Variants in RIPK3 observed in about 807,000 individuals in gnomAD.
The protein encoded by RIPK3 is receptor interacting serine/threonine kinase 3.
RIPK3 carries 51 observed loss-of-function variants against 51.6 expected under a neutral mutation model. That is an observed-to-expected ratio of 0.99 (90% CI 0.79 to 1.25). RIPK3 has a LOEUF of 1.25. Among genes scored for constraint, RIPK3 ranks in the 50% most tolerant of loss-of-function variants. The pLI, the probability that RIPK3 is intolerant of heterozygous loss-of-function variation, is 0.00. For missense variants in RIPK3, 654 were observed against 650.4 expected (o/e 1.01, Z -0.06); for synonymous variants, 246 against 257.7 (o/e 0.95, Z 0.44).
In RIPK3 at chr14:24,339,814, T is replaced by G; in HGVS notation, c.13A>C (p.Lys5Gln). The part of the protein sequence containing the change: MSCV[K>Q]LWPSGAPAPL... ...ATGCCACTCCCTACTCACCATAACTTGACGCACGACATCAGGCTGGAAGGT... is the reference window on the plus strand; with the variant it reads ...ATGCCACTCCCTACTCACCATAACTGGACGCACGACATCAGGCTGGAAGGT... Residue 5 changes from lysine to glutamine, a missense_variant, in exon 1 of 10, where the codon AAG becomes CAG. Physicochemically the swap from Lys to Gln is moderately conservative, Grantham distance 53. Transcript: ENST00000216274. The surrounding 1 kb of genome is among the most constrained non-coding windows in gnomAD (Gnocchi z 4.0). The G allele has an allele frequency of 6.4e-7, 1 of 1,574,708 alleles. No individual in the cohort carries two copies. Among genetic ancestry groups the G allele is most frequent in the Non-Finnish European group, 8.6e-7 (1 of 1,162,798 alleles).
At position 24,336,269 on chromosome 14, in the gene RIPK3, A is replaced by C. The variant is rs758992333; in HGVS notation, c.1463T>G (p.Leu488Trp). The change falls in exon 10 of 10, where the codon TTG (leucine) becomes TGG (tryptophan). Residue 488 changes from leucine to tryptophan, a missense_variant. Physicochemically the swap from Leu to Trp is moderately conservative, Grantham distance 61. Transcript: ENST00000216274. Reference protein sequence around the residue: ...GLAPSGKGRGLQHPPPVGSQE... With the variant: ...GLAPSGKGRGWQHPPPVGSQE... ...CGAACCTACTGGTGGGGGGTGCTGCAAGCCCCTCCCCTTGCCCGAAGGTGC... is the reference window on the plus strand; with the variant it reads ...CGAACCTACTGGTGGGGGGTGCTGCCAGCCCCTCCCCTTGCCCGAAGGTGC... The C allele has an allele frequency of 1.9e-6, 3 of 1,614,040 alleles. No individual in the cohort carries two copies. Among genetic ancestry groups the C allele is most frequent in the Non-Finnish European group, 2.5e-6 (3 of 1,180,006 alleles).
At position 24,339,066 on chromosome 14, in the gene RIPK3, G is replaced by C; in HGVS notation, c.420C>G (p.His140Gln). The change falls in exon 3 of 10, where the codon CAC (histidine) becomes CAG (glutamine). Residue 140 changes from histidine (H) to glutamine (Q), a missense_variant. Coordinates refer to ENST00000216274, the MANE Select transcript of RIPK3 (RefSeq NM_006871.4). The surrounding 1 kb of genome is among the most constrained non-coding windows in gnomAD (Gnocchi z 4.0). ...YLHDQNPVLL[H>Q]RDLKPSNVLL... ...GGACGTTGGATGGCTTGAGGTCCCG[G>C]TGCAGGAGCACCGGGTTCTGGTCGT... 6.2e-7 allele frequency: 1 copy of C among 1,614,192 alleles called. No homozygotes were observed. The highest frequency in any genetic ancestry group is 8.5e-7 in the Non-Finnish European group (1 of 1,180,002).
chr14:24,337,230 C>A lies in RIPK3; in HGVS notation c.1131G>T (p.Glu377Asp). 1 of 1,614,038 alleles carries A rather than the reference C, an allele frequency of 6.2e-7. No homozygotes were observed. Among genetic ancestry groups the A allele is most frequent in the African/African-American group, 1.3e-5 (1 of 75,040 alleles). Residue 377 changes from glutamate to aspartate, a missense_variant, in exon 8 of 10, where the codon GAG becomes GAT. Physicochemically the swap from Glu to Asp is conservative, Grantham distance 45. Transcript: ENST00000216274. ...CTGCTGTCCAGGCTTGTGGAACCTG[C>A]TCCTCTTGTGCCCTGCTCCTCTTGG... is the stretch of plus-strand genomic sequence containing the variant. ...SLTKRSRAQE[E>D]QVPQAWTAGT... is the part of the protein sequence containing the mutation.
At chr14:24,336,843 G>T in intron 9 of RIPK3, 42 bp downstream of exon 9, 1 of 1,546,658 alleles carries the variant, frequency 6.5e-7, no homozygotes, top group Non-Finnish European at 8.9e-7. Flanking sequence ...GAGTCTGGTG[G>T]AAGAATTGAA....
Position 24,337,446 on chromosome 14 carries a change from C to T in RIPK3, c.915G>A (p.Leu305=). ...TCCTATTGCTGCTCCTGAGCTGAGA[C>T]AGGAAATCCTTTACCTGCAGGGATG... ...NAAVSTVKDF[L]SQLRSSNRRF... The change falls in exon 8 of 10, where the codon CTG becomes CTA. Residue 305 remains leucine (L), a synonymous_variant. Transcript: ENST00000216274. 1.2e-6 allele frequency: 2 copies of T among 1,613,124 alleles called. No individual in the cohort carries two copies. The highest frequency in any genetic ancestry group is 1.7e-6 in the Non-Finnish European group (2 of 1,179,296).
intron 3 of RIPK3, 47 bp downstream of exon 3, chr14:24,338,968 G>A (rs1412673286): frequency 1.3e-6 from 2 of 1,506,406 alleles, no homozygotes; most frequent in African/African-American, 2.7e-5. Flanking sequence ...GGCTGGAGCA[G>A]CTCTGGGGCC....
At position 24,339,878 on chromosome 14, in the gene RIPK3, G is replaced by A; in HGVS notation, c.-52C>T. 6.5e-7 allele frequency: 1 copy of A among 1,536,570 alleles called. No homozygotes were observed. Among genetic ancestry groups the A allele is most frequent in the Non-Finnish European group, 8.7e-7 (1 of 1,145,102 alleles). The stretch of plus-strand genomic sequence containing the variant: ...TGGAAATTGCGAGCCGTAGGAGATG[G>A]AGTGACTTCTGGGGCTTGGTCCTTT... On this transcript the variant is annotated 5_prime_UTR_variant, in exon 1 of 10. Coordinates refer to ENST00000216274, the MANE Select transcript of RIPK3 (RefSeq NM_006871.4). The surrounding 1 kb of genome is among the most constrained non-coding windows in gnomAD (Gnocchi z 4.0).
rs369130339 is a variant in RIPK3, at chr14:24,338,248, C to T, written c.664+1G>A. On this transcript the variant is annotated splice_donor_variant, in intron 5 of 9. Coordinates refer to ENST00000216274, the MANE Select transcript of RIPK3 (RefSeq NM_006871.4). LOFTEE classifies it high-confidence loss of function. Reference sequence around the variant, plus strand: ...ATCCCAGAATCCTCCTAGAGTCTTACACTCAACTTCTCTTCCAGCAAGCAC... The same window carrying T: ...ATCCCAGAATCCTCCTAGAGTCTTATACTCAACTTCTCTTCCAGCAAGCAC... 5 of 1,524,432 alleles carry T rather than the reference C, an allele frequency of 3.3e-6. No homozygotes were observed. Among genetic ancestry groups the T allele is most frequent in the Admixed American group, 4.3e-5 (2 of 46,370 alleles). 94.4% of individuals were successfully genotyped at this position (1,524,432 alleles called of 1,614,324 possible). A position where few individuals can be genotyped will look rare whatever the true frequency, so the allele number is the denominator to read the frequency against.
rs770121160 is a variant in RIPK3, at chr14:24,339,608, G to T, written c.21-11C>A. 14 of 1,613,684 alleles carry T rather than the reference G, an allele frequency of 8.7e-6. No individual in the cohort carries two copies. In the East Asian group the frequency reaches 2.9e-4, roughly 33 times the overall value. The stretch of plus-strand genomic sequence containing the variant: ...GGGGCACCGCTGGGCCTGAGAGAGG[G>T]GTGTCGCCCACTAGCCGGCCGTGCC... On this transcript the variant is annotated splice_polypyrimidine_tract_variant and intron_variant, in intron 1 of 9. Coordinates refer to ENST00000216274, the MANE Select transcript of RIPK3 (RefSeq NM_006871.4). This position sits in a 1 kb window ranked among gnomAD's most constrained non-coding sequence, Gnocchi z 4.0.
Position 24,338,461 on chromosome 14 carries a change from T to G in RIPK3, c.578A>C (p.Asn193Thr). ...GGCTGTGGAGGCCTTCCGGTTTACG[T>G]TAACAAACAGTTCTGGGGCCAAGTA... ...LGYLAPELFV[N>T]VNRKASTASD... Residue 193 changes from asparagine to threonine, a missense_variant, in exon 4 of 10, where the codon AAC (asparagine) becomes ACC (threonine). Transcript: ENST00000216274. 1 of 1,613,864 alleles carries G rather than the reference T, an allele frequency of 6.2e-7. No individual in the cohort carries two copies. The highest frequency in any genetic ancestry group is 1.7e-4 in the Middle Eastern group (1 of 6,058).
In RIPK3 at chr14:24,339,802, C is replaced by T; in HGVS notation, c.20+5G>A. ...GCTGCGATCGACATGCCACTCCCTA[C>T]TCACCATAACTTGACGCACGACATC... On this transcript the variant is annotated splice_donor_5th_base_variant and intron_variant, in intron 1 of 9. Transcript: ENST00000216274. This position sits in a 1 kb window ranked among gnomAD's most constrained non-coding sequence, Gnocchi z 4.0. The T allele has an allele frequency of 6.3e-7, 1 of 1,577,336 alleles. No homozygotes were observed. Among genetic ancestry groups the T allele is most frequent in the Non-Finnish European group, 8.6e-7 (1 of 1,163,672 alleles).
Position 24,337,723 on chromosome 14 carries a change from T to G in RIPK3, c.872A>C (p.Glu291Ala). The G allele has an allele frequency of 6.2e-7, 1 of 1,613,456 alleles. No homozygotes were observed. Among genetic ancestry groups the G allele is most frequent in the Non-Finnish European group, 8.5e-7 (1 of 1,179,540 alleles). Residue 291 changes from glutamate to alanine, a missense_variant, in exon 7 of 10, where the codon GAG (glutamate) becomes GCG (alanine). Transcript: ENST00000216274. ...PKTDEVFQMV[E>A]NNMNAAVSTV... ...GGAGACAGCAGCATTCATATTGTTC[T>G]CCACCATCTGGAAGACTTCATCAGT...
At chr14:24,338,749 G>T in intron 3 of RIPK3, 182 bp from the exon 4 acceptor site, 1 of 869,298 alleles carries the variant, frequency 1.2e-6, no homozygotes, top group Non-Finnish European at 1.7e-6. Context: ...CAAGGTCTGA[G>T]TCTCCAGGGC....
intron 9 of RIPK3, 81 bp from the exon 10 acceptor site, chr14:24,336,476 C>A: frequency 6.5e-7 from 1 of 1,547,812 alleles, no homozygotes; most frequent in South Asian, 1.2e-5. Context: ...AGTATGAAGT[C>A]TCTACTTGTC....
rs1282684340 is a variant in RIPK3 at position 24,337,697 on chromosome 14, T to G, written c.898A>C (p.Thr300Pro). 1 of 1,611,076 alleles carries G rather than the reference T, an allele frequency of 6.2e-7. No homozygotes were observed. Among genetic ancestry groups the G allele is most frequent in the East Asian group, 2.2e-5 (1 of 44,878 alleles). ...GGAGGGGTGATGTTGGCACTCACCG[T>G]GGAGACAGCAGCATTCATATTGTTC... ...VENNMNAAVS[T>P]VKDFLSQLRS... The change falls in exon 7 of 10, where the codon ACG (threonine) becomes CCG (proline). Residue 300 changes from threonine (T) to proline (P), a missense_variant and splice_region_variant. Thr to Pro is a conservative substitution (Grantham distance 38). Coordinates refer to ENST00000216274, the MANE Select transcript of RIPK3 (RefSeq NM_006871.4).
chr14:24,337,797 A>C (rs1299735511), intron 6 of RIPK3, 35 bp from the exon 7 acceptor site: 2 of 1,613,970 alleles, frequency 1.2e-6, no homozygotes, highest in Non-Finnish European at 1.7e-6. Flanking sequence ...CAGGTGAGCA[A>C]ATCTTCTTTT....
In RIPK3 at chr14:24,339,222, G is replaced by C. The variant is rs2042165387; in HGVS notation, c.264C>G (p.Pro88=). 6.2e-7 allele frequency: 1 copy of C among 1,614,116 alleles called. No individual in the cohort carries two copies. Among genetic ancestry groups the C allele is most frequent in the Admixed American group, 1.7e-5 (1 of 60,010 alleles). ...VIEKVNWDQD[P]KPALVTKFME... is the part of the protein sequence containing the mutation. ...TGAATTTAGTCACCAGAGCCGGCTT[G>C]GGATCTTGGTCCCAGTTCACCTTCT... Residue 88 remains proline, a synonymous_variant, in exon 3 of 10, where the codon CCC becomes CCG. Coordinates refer to ENST00000216274, the MANE Select transcript of RIPK3 (RefSeq NM_006871.4). This position sits in a 1 kb window ranked among gnomAD's most constrained non-coding sequence, Gnocchi z 4.0.
intron 9 of RIPK3, 131 bp from the exon 10 acceptor site, chr14:24,336,526 G>A (rs1432644165): frequency 7.8e-7 from 1 of 1,277,416 alleles, no homozygotes; most frequent in Non-Finnish European, 1.1e-6. Flanking sequence ...CCTCCCCTCA[G>A]AGCTCCTCTC....
chr14:24,339,491 A>C lies in RIPK3; in HGVS notation c.127T>G (p.Trp43Gly), dbSNP rs1594679763. 3 of 1,614,068 alleles carry C rather than the reference A, an allele frequency of 1.9e-6. No individual in the cohort carries two copies. Among genetic ancestry groups the C allele is most frequent in the Non-Finnish European group, 2.5e-6 (3 of 1,179,976 alleles). ...GTVFRAQHRK[W>G]GYDVAVKIVN... ...ATCTTGACCGCCACATCGTAGCCCC[A>C]CTTCCTATGTTGCGCCCGGAACACT... is the stretch of plus-strand genomic sequence containing the variant. The change falls in exon 2 of 10, where the codon TGG becomes GGG. Residue 43 changes from tryptophan (W) to glycine (G), a missense_variant. Trp to Gly is a radical substitution (Grantham distance 184, BLOSUM62 -2). Transcript: ENST00000216274. The surrounding 1 kb of genome is among the most constrained non-coding windows in gnomAD (Gnocchi z 4.0).
Sources: allele counts gnomAD v4.1 joint callset, GRCh38; gene constraint gnomAD v4.1.1; non-coding constraint Gnocchi (gnomAD v3.1); transcripts MANE v1.5; gene names NCBI Gene and HGNC (gene_info 2026-07-23, HGNC 2026-07-21).